XKR4: variants seen among roughly 807,000 people sequenced by gnomAD.
XKR4 encodes the protein XK related 4.
A neutral mutation model predicts 53.9 loss-of-function variants in XKR4; 12 were observed. That is an observed-to-expected ratio of 0.22 (90% CI 0.14 to 0.36). XKR4 has a LOEUF of 0.36. XKR4 is among the 10% of genes least tolerant of loss of function. The pLI, the probability that XKR4 is intolerant of heterozygous loss-of-function variation, is 1.00. For synonymous variants in XKR4, 354 were observed against 362.4 expected (o/e 0.98, Z 0.26); for missense variants, 799 against 859.5 (o/e 0.93, Z 0.88).
At chr8:55,472,243 AT>A (rs1296447691) in intron 2 of XKR4, among the ~76,000 whole-genome samples, 1 of 152,022 alleles carries the variant, frequency 6.6e-6, no homozygotes, top group Non-Finnish European at 1.5e-5. Context: ...GTAGCTCTCA[AT>A]TTTTTTCCTG....
At chr8:55,144,652 A>G (rs1816747325) in intron 1 of XKR4, among the ~76,000 whole-genome samples, 1 of 152,100 alleles carries the variant, frequency 6.6e-6, no homozygotes, top group Non-Finnish European at 1.5e-5. Flanking sequence ...GACAAAACAA[A>G]ACAACATAAA....
At chr8:55,106,095 A>C (rs1467405640) in intron 1 of XKR4, among the ~76,000 whole-genome samples, 1 of 152,200 alleles carries the variant, frequency 6.6e-6, no homozygotes. Flanking sequence ...TTCATGTTTT[A>C]ACATGCTACT....
chr8:55,266,676 G>A (rs573085191), intron 1 of XKR4, among the ~76,000 whole-genome samples: 5 of 152,232 alleles, frequency 3.3e-5, no homozygotes, highest in East Asian at 1.9e-4. Flanking sequence ...TTTTCTGGAC[G>A]GCATGGCTGT....
intron 1 of XKR4, among the ~76,000 whole-genome samples, chr8:55,155,110 G>A (rs1424995056): frequency 6.6e-6 from 1 of 152,112 alleles, no homozygotes; most frequent in African/African-American, 2.4e-5. Context: ...TGATTCAGAG[G>A]CTTTGGACAT....
rs550117034 is a variant in XKR4, at chr8:55,323,296, T to C, written c.807-34382T>C. On this transcript the variant is annotated intron_variant, in intron 1 of 2. Coordinates refer to ENST00000327381, the MANE Select transcript of XKR4 (RefSeq NM_052898.2). ...CCTATACTCATCATTGCAATGAAGA[T>C]ACAGAACAGTTCCATCTCCCAAATA... 7.2e-5 allele frequency among the ~76,000 whole-genome samples: 11 copies of C among 152,338 alleles called. No individual in the cohort carries two copies. In the Middle Eastern group the frequency reaches 0.014, roughly 188 times the overall value.
chr8:55,279,412 G>A (rs1271233764), intron 1 of XKR4, among the ~76,000 whole-genome samples: 4 of 152,134 alleles, frequency 2.6e-5, no homozygotes, highest in African/African-American at 9.7e-5. Flanking sequence ...CTCCACTCTC[G>A]GCTTGGCAGA....
intron 2 of XKR4, among the ~76,000 whole-genome samples, chr8:55,402,890 C>A (rs916765565): frequency 6.6e-6 from 1 of 152,136 alleles, no homozygotes; most frequent in Non-Finnish European, 1.5e-5. Flanking sequence ...GCCCACAGAC[C>A]TGCCTAAGTC....
intron 2 of XKR4, among the ~76,000 whole-genome samples, chr8:55,411,564 C>T (rs1804778850): frequency 6.6e-6 from 1 of 152,216 alleles, no homozygotes; most frequent in Non-Finnish European, 1.5e-5. Context: ...GGCTCTTCAA[C>T]TGACCACTTG....
At chr8:55,451,654 T>C in intron 2 of XKR4, 1 of 1,556,868 alleles carries the variant, frequency 6.4e-7, no homozygotes, top group Non-Finnish European at 8.8e-7. Flanking sequence ...GGCGTTGTCC[T>C]GGACACTCTG....
In XKR4 at chr8:55,269,078, G is replaced by A. The variant is rs564685894; in HGVS notation, c.807-88600G>A. On this transcript the variant is annotated intron_variant, in intron 1 of 2. Coordinates refer to ENST00000327381, the MANE Select transcript of XKR4 (RefSeq NM_052898.2). The stretch of plus-strand genomic sequence containing the variant: ...TTGGGGGCTACAGCTTCTACTGTGC[G>A]TGGTGCACAGTAGGATTGACAGGAA... Among the ~76,000 whole-genome samples the A allele has an allele frequency of 9.9e-5, 15 of 152,236 alleles. No homozygotes were observed. The South Asian group carries it at 2.3e-3, about 23-fold the overall frequency.
chr8:55,501,922 T>G (rs60707711), intron 2 of XKR4, among the ~76,000 whole-genome samples: 8,897 of 152,210 alleles, frequency 0.058, 670 homozygotes, highest in East Asian at 0.28. Flanking sequence ...GTCTCTTATA[T>G]AAAATGGTGT....
intron 1 of XKR4, among the ~76,000 whole-genome samples, chr8:55,309,519 C>T (rs1392946035): frequency 6.6e-6 from 1 of 152,062 alleles, no homozygotes; most frequent in African/African-American, 2.4e-5. Flanking sequence ...TATACGTGAA[C>T]ATAAATGTGT....
chr8:55,480,168 C>A (rs1386448042), intron 2 of XKR4, among the ~76,000 whole-genome samples: 1 of 152,134 alleles, frequency 6.6e-6, no homozygotes, highest in African/African-American at 2.4e-5. Context: ...TACTGGCAAA[C>A]CGAATCCAGC....
intron 1 of XKR4, among the ~76,000 whole-genome samples, chr8:55,295,776 A>G (rs1013167327): frequency 3.9e-5 from 6 of 152,114 alleles, no homozygotes; most frequent in African/African-American, 1.5e-4. Flanking sequence ...AATAGAGCAT[A>G]AATACTAATT....
chr8:55,138,079 C>A (rs1467969598), intron 1 of XKR4, among the ~76,000 whole-genome samples: 1 of 152,126 alleles, frequency 6.6e-6, no homozygotes, highest in East Asian at 1.9e-4. Flanking sequence ...TGAAGCCCGC[C>A]ATGACTTTGG....
At chr8:55,379,770 G>C (rs1299674129) in intron 2 of XKR4, among the ~76,000 whole-genome samples, 5 of 152,196 alleles carry the variant, frequency 3.3e-5, no homozygotes, top group African/African-American at 1.2e-4. Flanking sequence ...GGAGCATAGG[G>C]TTCCAGGGCA....
intron 1 of XKR4, among the ~76,000 whole-genome samples, chr8:55,127,037 C>T (rs112455857): frequency 6.6e-6 from 1 of 152,142 alleles, no homozygotes; most frequent in Non-Finnish European, 1.5e-5. Context: ...ACTAATCATA[C>T]ATAGCAAGTG....
intron 1 of XKR4, among the ~76,000 whole-genome samples, chr8:55,139,485 G>A (rs1816673101): frequency 7.2e-6 from 1 of 138,360 alleles, no homozygotes; most frequent in Non-Finnish European, 1.5e-5. Context: ...TGTACTCCAG[G>A]CTGGGTGACA....
intron 1 of XKR4, among the ~76,000 whole-genome samples, chr8:55,256,479 A>T (rs1818440109): frequency 6.6e-6 from 1 of 152,196 alleles, no homozygotes. Context: ...GATGGAAAGG[A>T]GATAGTAATT....
Sources: gnomAD v4.1 joint callset for allele counts (sites outside exome capture counted in the v4.1 genomes callset) on GRCh38, gnomAD v4.1.1 for gene constraint, MANE v1.5 for transcripts, NCBI Gene and HGNC (gene_info 2026-07-23, HGNC 2026-07-21) for gene names.